DISC1: variants seen among roughly 807,000 people sequenced by gnomAD.
DISC1 encodes the protein DISC1 scaffold protein.
In DISC1, 57 loss-of-function variants were observed where a neutral mutation model predicts 84.5. That is an observed-to-expected ratio of 0.67 (90% confidence interval 0.55 to 0.84). The LOEUF (loss-of-function observed/expected upper bound fraction) is 0.84. DISC1 is among the 40% of genes least tolerant of loss of function. The pLI is 0.00. For synonymous variants in DISC1, 411 were observed against 415.2 expected, an observed-to-expected ratio of 0.99 and a Z score of 0.12; for missense variants, 1,000 against 1,057.8, an observed-to-expected ratio of 0.95 and a Z score of 0.76.
chr1:231,892,073 C>T (rs1487318481), intron 9 of DISC1, among the ~76,000 whole-genome samples: 2 of 152,144 alleles, frequency 1.3e-5, no homozygotes, highest in African/African-American at 4.8e-5. Flanking sequence ...CCCCCCACCA[C>T]CTTAGAACAG....
At chr1:231,927,327 A>G (rs1276855838) in intron 9 of DISC1, among the ~76,000 whole-genome samples, 4 of 152,256 alleles carry the variant, frequency 2.6e-5, no homozygotes, top group Non-Finnish European at 4.4e-5. Context: ...AAGCAGGATC[A>G]TCAGGTTATT....
In DISC1 at chr1:231,765,285, G is replaced by A. The variant is rs77259311; in HGVS notation, c.1269-1855G>A. On this transcript the variant is annotated intron_variant, in intron 4 of 12. Transcript: ENST00000439617. ...CTGAGGTGGGGGATCTTGCTATGTT[G>A]CCCAGGTTGGTCTCAAATTCCTAGG... Among the ~76,000 whole-genome samples the A allele has an allele frequency of 3.3e-4, 48 of 146,422 alleles. No individual in the cohort carries two copies. The East Asian group carries it at 9.5e-3, about 29-fold the overall frequency.
chr1:231,855,317 A>G (rs2084192769), intron 9 of DISC1: 1 of 938,710 alleles, frequency 1.1e-6, no homozygotes, highest in Non-Finnish European at 1.3e-6. Context: ...TGTTATATAT[A>G]TAATACATAC....
At chr1:231,703,130 T>C (rs2066613772) in intron 3 of DISC1, among the ~76,000 whole-genome samples, 1 of 152,248 alleles carries the variant, frequency 6.6e-6, no homozygotes, top group African/African-American at 2.4e-5. Flanking sequence ...TAGGAAATGC[T>C]GTTGCATGTT....
intron 8 of DISC1, among the ~76,000 whole-genome samples, chr1:231,800,652 T>C (rs111651696): frequency 2.0e-5 from 3 of 152,296 alleles, no homozygotes; most frequent in African/African-American, 7.2e-5. Context: ...CTGGCAGTTA[T>C]TAAGGAATTG....
intron 1 of DISC1, among the ~76,000 whole-genome samples, chr1:231,688,736 G>A (rs897342230): frequency 6.6e-6 from 1 of 152,144 alleles, no homozygotes; most frequent in Non-Finnish European, 1.5e-5. Context: ...TAAAGCATAA[G>A]CAGTTTGAGG....
At chr1:232,016,193 T>A (rs1255978120) in intron 11 of DISC1, among the ~76,000 whole-genome samples, 1 of 152,212 alleles carries the variant, frequency 6.6e-6, no homozygotes, top group East Asian at 1.9e-4. Flanking sequence ...CAGTTTACAG[T>A]GAAACACTTA....
At chr1:231,952,495 G>C (rs1658613228) in intron 9 of DISC1, among the ~76,000 whole-genome samples, 1 of 152,012 alleles carries the variant, frequency 6.6e-6, no homozygotes, top group African/African-American at 2.4e-5. Context: ...GGTGATAGCA[G>C]AATGCTATAT....
chr1:231,971,805 A>G (rs539510679), intron 10 of DISC1, among the ~76,000 whole-genome samples: 3 of 152,240 alleles, frequency 2.0e-5, no homozygotes, highest in African/African-American at 4.8e-5. Flanking sequence ...GCTAAGCCTC[A>G]GAAGATAATT....
intron 9 of DISC1, among the ~76,000 whole-genome samples, chr1:231,920,700 G>T (rs1256358672): frequency 1.3e-5 from 2 of 152,142 alleles, no homozygotes; most frequent in African/African-American, 4.8e-5. Flanking sequence ...CCCGCATTTG[G>T]CTATTGTGAA....
chr1:231,803,437 G>C (rs1401103789), intron 8 of DISC1, among the ~76,000 whole-genome samples: 1 of 152,144 alleles, frequency 6.6e-6, no homozygotes, highest in Non-Finnish European at 1.5e-5. Flanking sequence ...GGGTGGCTCT[G>C]ACTCAGGGTC....
intron 9 of DISC1, chr1:231,819,028 A>G: frequency 2.0e-6 from 2 of 992,604 alleles, no homozygotes; most frequent in South Asian, 9.2e-5. Context: ...TCTGCTTGTC[A>G]GAGGAGTTCA....
At chr1:231,930,572 TC>T (rs1436905333) in intron 9 of DISC1, among the ~76,000 whole-genome samples, 1 of 152,114 alleles carries the variant, frequency 6.6e-6, no homozygotes, top group African/African-American at 2.4e-5. Context: ...AGTGGGAGCC[TC>T]TGGAGCAGCC....
chr1:231,714,430 A>G (rs1182749854), intron 3 of DISC1, among the ~76,000 whole-genome samples: 1 of 152,212 alleles, frequency 6.6e-6, no homozygotes, highest in African/African-American at 2.4e-5. Flanking sequence ...TCACACCTTA[A>G]ACAAAGTTTA....
chr1:231,633,212 G>A (rs1308166680), intron 1 of DISC1, among the ~76,000 whole-genome samples: 1 of 152,172 alleles, frequency 6.6e-6, no homozygotes, highest in Non-Finnish European at 1.5e-5. Context: ...ACTTGGTTCA[G>A]AATTAGAATT....
chr1:231,973,048 C>CTTTT (rs397934533), intron 10 of DISC1, among the ~76,000 whole-genome samples: 3 of 137,136 alleles, frequency 2.2e-5, no homozygotes, highest in African/African-American at 8.0e-5. Context: ...ATGTCTTGTT[C>CTTTT]TTTTTTTTTT....
At chr1:232,032,665 C>T (rs1004997523) in intron 12 of DISC1, among the ~76,000 whole-genome samples, 2 of 152,158 alleles carry the variant, frequency 1.3e-5, no homozygotes, top group Non-Finnish European at 2.9e-5. Flanking sequence ...TACTCAGGTC[C>T]CTAAGGCACA....
At chr1:231,950,204 C>CTGTGTGTGTGTGTGTGTGTGTG (rs59801477) in intron 9 of DISC1, among the ~76,000 whole-genome samples, 5 of 139,440 alleles carry the variant, frequency 3.6e-5, no homozygotes, top group Non-Finnish European at 4.7e-5. Context: ...AAAAAAAATT[C>CTGTGTGTGTGTGTGTGTGTGTG]TGTGTGTGTG....
intron 6 of DISC1, among the ~76,000 whole-genome samples, chr1:231,774,375 T>C (rs1442655784): frequency 6.6e-6 from 1 of 152,158 alleles, no homozygotes; most frequent in Non-Finnish European, 1.5e-5. Context: ...ATGACCTTTT[T>C]CTCCTGCGAT....
Sources: allele counts gnomAD v4.1 joint callset (sites outside exome capture counted in the v4.1 genomes callset), GRCh38; gene constraint gnomAD v4.1.1; transcripts MANE v1.5; gene names NCBI Gene and HGNC (gene_info 2026-07-23, HGNC 2026-07-21).